The following EPHA6 variants were observed in gnomAD, a reference collection of about 807,000 sequenced individuals.
EPHA6 encodes the protein EPH receptor A6, also known as ephrin type-A receptor 6.
Under a neutral mutation model 112.0 loss-of-function variants are expected in EPHA6, and 50 were observed. The observed-to-expected ratio is 0.45, with a 90% CI of 0.36 to 0.56. EPHA6 has a LOEUF of 0.56. Ranked by LOEUF, EPHA6 falls within the 20% of genes least tolerant of loss-of-function variation. The probability of loss-of-function intolerance (pLI) is 0.00; values close to 1 mark genes in which losing one functional copy is unlikely to be tolerated. For missense variants in EPHA6, 1,280 were observed against 1,417.4 expected, an observed-to-expected ratio of 0.90 and a Z score of 1.56; for synonymous variants, 529 against 490.7, an observed-to-expected ratio of 1.08 and a Z score of -1.03.
At chr3:97,655,993 T>A (rs900075675) in intron 14 of EPHA6, among the ~76,000 whole-genome samples, 2 of 151,966 alleles carry the variant, frequency 1.3e-5, no homozygotes, top group African/African-American at 4.8e-5. Flanking sequence ...TTTATTTTTC[T>A]TACCAGTCTT....
At chr3:97,655,204 C>A (rs953016167) in intron 14 of EPHA6, among the ~76,000 whole-genome samples, 1 of 149,818 alleles carries the variant, frequency 6.7e-6, no homozygotes, top group South Asian at 2.1e-4. Flanking sequence ...AAATTGAGGC[C>A]CAAAGAAATG....
chr3:97,625,162 C>T (rs1395075320), intron 13 of EPHA6, among the ~76,000 whole-genome samples: 1 of 151,540 alleles, frequency 6.6e-6, no homozygotes, highest in African/African-American at 2.4e-5. Context: ...TCCTCTTTCT[C>T]AATACAGACA....
At chr3:97,697,863 G>A (rs1267894879) in intron 14 of EPHA6, among the ~76,000 whole-genome samples, 3 of 152,138 alleles carry the variant, frequency 2.0e-5, no homozygotes, top group Admixed American at 2.0e-4. Flanking sequence ...TCCCAAAATA[G>A]GTTGACTATT....
At chr3:97,211,707 A>G (rs373348370) in intron 3 of EPHA6, among the ~76,000 whole-genome samples, 113 of 152,288 alleles carry the variant, frequency 7.4e-4, no homozygotes, top group African/African-American at 2.4e-3. Context: ...AGGCTTCAAC[A>G]TCAAAATTTG....
At chr3:96,882,440 G>A (rs965017379) in intron 2 of EPHA6, among the ~76,000 whole-genome samples, 2 of 151,940 alleles carry the variant, frequency 1.3e-5, no homozygotes, top group Non-Finnish European at 1.5e-5. Flanking sequence ...TGAGATTTTG[G>A]TGCACCTATC....
At chr3:97,286,649 A>C (rs1329574493) in intron 5 of EPHA6, among the ~76,000 whole-genome samples, 1 of 146,636 alleles carries the variant, frequency 6.8e-6, no homozygotes, top group African/African-American at 2.5e-5. Flanking sequence ...CATATACTAC[A>C]TTTTGAAGTC....
At chr3:96,968,804 A>T (rs1164842780) in intron 2 of EPHA6, among the ~76,000 whole-genome samples, 2 of 151,836 alleles carry the variant, frequency 1.3e-5, no homozygotes, top group Admixed American at 6.6e-5. Flanking sequence ...ATTGTTATTT[A>T]GTTAGCCTCA....
chr3:97,712,522 C>T (rs1445515151), intron 14 of EPHA6, among the ~76,000 whole-genome samples: 2 of 152,122 alleles, frequency 1.3e-5, no homozygotes, highest in African/African-American at 2.4e-5. Context: ...TGGCAGTTCT[C>T]ATAATAAAGT....
intron 10 of EPHA6, among the ~76,000 whole-genome samples, chr3:97,485,124 C>A (rs1448660564): frequency 6.6e-6 from 1 of 152,160 alleles, no homozygotes; most frequent in Non-Finnish European, 1.5e-5. Flanking sequence ...TTTGTTTAAT[C>A]CTTTGGAAAG....
chr3:97,648,429 G>T (rs946336563), intron 14 of EPHA6: 13 of 1,404,824 alleles, frequency 9.3e-6, no homozygotes, highest in African/African-American at 5.9e-5. Context: ...TGAGGGGAAG[G>T]TATTTAATGT....
At chr3:97,307,741 CA>C (rs71849708) in intron 5 of EPHA6, among the ~76,000 whole-genome samples, 3,659 of 148,374 alleles carry the variant, frequency 0.025, 113 homozygotes, top group African/African-American at 0.076. Flanking sequence ...GTGTTTCAGA[CA>C]AAAAAAAATA....
chr3:97,596,247 C>T (rs1000314191), intron 12 of EPHA6, among the ~76,000 whole-genome samples: 2 of 152,110 alleles, frequency 1.3e-5, no homozygotes, highest in African/African-American at 4.8e-5. Flanking sequence ...GCTCTCTTTG[C>T]TCCATGTAGT....
chr3:97,621,832 G>C (rs557120006), intron 13 of EPHA6, among the ~76,000 whole-genome samples: 1 of 151,990 alleles, frequency 6.6e-6, no homozygotes, highest in East Asian at 1.9e-4. Context: ...GAGGGACTCA[G>C]TGTTCTCAAC....
chr3:97,077,309 G>T (rs1349350724), intron 3 of EPHA6, among the ~76,000 whole-genome samples: 1 of 60,940 alleles, frequency 1.6e-5, no homozygotes, highest in African/African-American at 6.9e-5. Flanking sequence ...CTTCAGTGGA[G>T]AAAGTAACTG....
At chr3:97,092,370 T>C (rs1320937810) in intron 3 of EPHA6, among the ~76,000 whole-genome samples, 1 of 151,986 alleles carries the variant, frequency 6.6e-6, no homozygotes, top group Non-Finnish European at 1.5e-5. Flanking sequence ...AGATCACAGT[T>C]TTAGTCCTGT....
intron 2 of EPHA6, among the ~76,000 whole-genome samples, chr3:96,968,523 A>T (rs976766054): frequency 3.3e-5 from 5 of 151,768 alleles, no homozygotes; most frequent in African/African-American, 1.2e-4. Flanking sequence ...AGTATATATG[A>T]GAATTAACAT....
intron 3 of EPHA6, among the ~76,000 whole-genome samples, chr3:97,137,590 C>T (rs960482584): frequency 6.6e-6 from 1 of 152,008 alleles, no homozygotes; most frequent in Non-Finnish European, 1.5e-5. Flanking sequence ...TTCTTTAGAC[C>T]ATCAAGTAAT....
chr3:97,433,145 C>G (rs1426392428), intron 6 of EPHA6, among the ~76,000 whole-genome samples: 1 of 152,090 alleles, frequency 6.6e-6, no homozygotes, highest in Non-Finnish European at 1.5e-5. Context: ...ACTGGTTTGG[C>G]CTGTTCTCTA....
intron 2 of EPHA6, among the ~76,000 whole-genome samples, chr3:96,920,273 T>C (rs2039691322): frequency 6.6e-6 from 1 of 151,786 alleles, no homozygotes; most frequent in East Asian, 1.9e-4. Flanking sequence ...AATTAATTGA[T>C]AGAAAAAGGG....
Sources: gnomAD v4.1 joint callset for allele counts (sites outside exome capture counted in the v4.1 genomes callset) on GRCh38, gnomAD v4.1.1 for gene constraint, MANE v1.5 for transcripts, NCBI Gene and HGNC (gene_info 2026-07-23, HGNC 2026-07-21) for gene names.